The following DNAH6 variants were observed in gnomAD, a reference collection of about 807,000 sequenced individuals.
DNAH6 encodes the protein axonemal beta dynein heavy chain 6.
Under a neutral mutation model 491.4 loss-of-function variants are expected in DNAH6, and 340 were observed. The ratio of observed to expected loss-of-function variants is 0.69; its 90% confidence interval spans 0.63 to 0.76. The LOEUF (loss-of-function observed/expected upper bound fraction) is 0.76, where lower values mean the gene tolerates loss of function less well. Among genes scored for constraint, DNAH6 ranks in the 30% least tolerant of loss-of-function variants. The pLI is 0.00. For synonymous variants in DNAH6, 1,603 were observed against 1,686.1 expected (o/e 0.95, Z 1.21); for missense variants, 4,443 against 4,972.2 (o/e 0.89, Z 3.20).
chr2:84,706,442 TA>T (rs1030493715), intron 52 of DNAH6, among the ~76,000 whole-genome samples: 2 of 152,210 alleles, frequency 1.3e-5, no homozygotes, highest in Admixed American at 1.3e-4. Flanking sequence ...TTTTTCTAAT[TA>T]TTTAAAAATG....
chr2:84,801,269 G>GAAAAAAAAAAAA (rs548174516), intron 70 of DNAH6, among the ~76,000 whole-genome samples: 7 of 110,436 alleles, frequency 6.3e-5, no homozygotes, highest in East Asian at 2.8e-4. Context: ...AAAAGAAAAA[G>GAAAAAAAAAAAA]AAAAAAAAAA....
chr2:84,642,150 A>G (rs1379982105), intron 33 of DNAH6, 96 bp downstream of exon 33: 1 of 841,724 alleles, frequency 1.2e-6, no homozygotes, highest in Non-Finnish European at 1.9e-6. Flanking sequence ...CAAGCTGAAA[A>G]CTTTCCTATC....
At chr2:84,781,015 G>T (rs1676636653) in intron 64 of DNAH6, among the ~76,000 whole-genome samples, 1 of 152,098 alleles carries the variant, frequency 6.6e-6, no homozygotes, top group Non-Finnish European at 1.5e-5. Context: ...TTTGACCTAG[G>T]TGGTGGTACA....
At chr2:84,658,902 A>G (rs1691223018) in intron 36 of DNAH6, 124 bp from the exon 37 acceptor site, 1 of 579,982 alleles carries the variant, frequency 1.7e-6, no homozygotes, top group East Asian at 3.1e-5. Flanking sequence ...TAAGAAATAT[A>G]CACTGTGCCC....
At chr2:84,706,858 T>C (rs757243915) in intron 52 of DNAH6, 38 bp from the exon 53 acceptor site, 1 of 1,514,414 alleles carries the variant, frequency 6.6e-7, no homozygotes, top group East Asian at 2.5e-5. Flanking sequence ...TCAGCCTTTT[T>C]TTGGCCCTGT....
Position 84,733,482 on chromosome 2 carries a change from T to C in DNAH6, c.10245T>C (p.Thr3415=). ...AGCCTGAAGCTCCCTGGCTACCTAC[T>C]GCTACATGGTTCGCATGCTGTGACT... ...PPKPEAPWLP[T]ATWFACCDLE... is the part of the protein sequence containing the mutation. Residue 3415 remains threonine, a synonymous_variant, in exon 62 of 77, where the codon ACT becomes ACC. Transcript: ENST00000389394. 1 of 1,551,476 alleles carries C rather than the reference T, an allele frequency of 6.4e-7. No individual in the cohort carries two copies. Among genetic ancestry groups the C allele is most frequent in the Non-Finnish European group, 8.7e-7 (1 of 1,146,778 alleles).
chr2:84,474,547 A>G, the DNAH6 span, among the ~76,000 whole-genome samples: 38 of 152,182 alleles, frequency 2.5e-4, no homozygotes, highest in Non-Finnish European at 7.3e-5. Context: ...GTTATATCCC[A>G]TATTTCTCAT....
chr2:84,548,155 C>G, intron 7 of DNAH6, 133 bp from the exon 8 acceptor site: 1 of 901,342 alleles, frequency 1.1e-6, no homozygotes, highest in Non-Finnish European at 1.7e-6. Flanking sequence ...GGCTGTTTTT[C>G]AGGTTTGAAT....
chr2:84,478,644 T>A, the DNAH6 span, among the ~76,000 whole-genome samples: 5 of 152,134 alleles, frequency 3.3e-5, no homozygotes, highest in African/African-American at 1.2e-4. Context: ...TTGAATACCC[T>A]GTGTGCAAGA....
the DNAH6 span, among the ~76,000 whole-genome samples, chr2:84,474,545 C>T: frequency 6.6e-6 from 1 of 152,038 alleles, no homozygotes; most frequent in Non-Finnish European, 1.5e-5. Flanking sequence ...GGGTTATATC[C>T]CATATTTCTC....
chr2:84,668,243 A>T (rs1304060525), intron 37 of DNAH6, among the ~76,000 whole-genome samples: 8 of 151,994 alleles, frequency 5.3e-5, no homozygotes, highest in Non-Finnish European at 2.9e-5. Flanking sequence ...GTATAATAAT[A>T]AAAAAAAACT....
intron 45 of DNAH6, among the ~76,000 whole-genome samples, chr2:84,690,157 G>A (rs183792133): frequency 6.6e-5 from 10 of 151,938 alleles, no homozygotes; most frequent in Admixed American, 5.2e-4. Flanking sequence ...GATTTTCATG[G>A]CTTTGGTTTT....
At chr2:84,667,546 A>G (rs1692262593) in intron 37 of DNAH6, among the ~76,000 whole-genome samples, 1 of 152,014 alleles carries the variant, frequency 6.6e-6, no homozygotes, top group African/African-American at 2.4e-5. Context: ...CAAAACCACA[A>G]TGAGATACCA....
intron 18 of DNAH6, among the ~76,000 whole-genome samples, chr2:84,597,852 G>A (rs185867524): frequency 1.8e-4 from 27 of 152,338 alleles, no homozygotes; most frequent in Admixed American, 7.8e-4. Flanking sequence ...TAGGTGAGGT[G>A]ACTTATGCCT....
At chr2:84,715,822 A>C (rs543147706) in intron 58 of DNAH6, among the ~76,000 whole-genome samples, 195 bp downstream of exon 58, 3 of 152,052 alleles carry the variant, frequency 2.0e-5, no homozygotes, top group South Asian at 4.2e-4. Flanking sequence ...GATCTTGTCT[A>C]CCGTCTTCTC....
the DNAH6 span, among the ~76,000 whole-genome samples, chr2:84,470,626 A>G: frequency 6.6e-6 from 1 of 152,150 alleles, no homozygotes; most frequent in African/African-American, 2.4e-5. Flanking sequence ...CTTTACTGCA[A>G]CTTGTTTTAT....
At chr2:84,751,126 T>G (rs985451703) in intron 63 of DNAH6, 1 of 152,238 alleles carries the variant, frequency 6.6e-6, no homozygotes. Context: ...ATCCTTACCC[T>G]GCTATTGATG....
chr2:84,700,686 A>G (rs942936210), intron 48 of DNAH6, among the ~76,000 whole-genome samples: 1 of 152,228 alleles, frequency 6.6e-6, no homozygotes. Context: ...AAGAAGCAAG[A>G]GAGGAGCAAA....
At chr2:84,571,074 C>A (rs1462209149) in intron 11 of DNAH6, among the ~76,000 whole-genome samples, 1 of 152,150 alleles carries the variant, frequency 6.6e-6, no homozygotes, top group African/African-American at 2.4e-5. Flanking sequence ...ACAATTTGAT[C>A]ACTACCAAAT....
Sources: gnomAD v4.1 joint callset for allele counts (sites outside exome capture counted in the v4.1 genomes callset) on GRCh38, gnomAD v4.1.1 for gene constraint, MANE v1.5 for transcripts, NCBI Gene and HGNC (gene_info 2026-07-23, HGNC 2026-07-21) for gene names.